KPNA7: variants seen among roughly 807,000 people sequenced by gnomAD.
The protein encoded by KPNA7 is importin subunit alpha-8.
In KPNA7, 54 loss-of-function variants were observed where a neutral mutation model predicts 53.7. That is an observed-to-expected ratio of 1.01 (90% CI 0.81 to 1.26). The LOEUF is 1.26. KPNA7 is among the 50% of genes most tolerant of loss of function. The probability of loss-of-function intolerance (pLI) is 0.00; values close to 1 mark genes in which losing one functional copy is unlikely to be tolerated. For missense variants in KPNA7, 640 were observed against 644.5 expected (o/e 0.99, Z 0.07); for synonymous variants, 276 against 259.3 (o/e 1.06, Z -0.62).
At position 99,173,784 on chromosome 7, in the gene KPNA7, T is replaced by C; in HGVS notation, c.1475A>G (p.Glu492Gly). 6.5e-7 allele frequency: 1 copy of C among 1,544,830 alleles called. No homozygotes were observed. Among genetic ancestry groups the C allele is most frequent in the Non-Finnish European group, 8.8e-7 (1 of 1,140,474 alleles). The change falls in exon 11 of 11, where the codon GAG (glutamate) becomes GGG (glycine). Residue 492 changes from glutamate to glycine, a missense_variant. Glu to Gly is a moderately conservative substitution (Grantham distance 98, BLOSUM62 -2). Transcript: ENST00000327442. ...GACTTGGCTCAGTAAAGTTTGGCTCTCATCTTCTTCCTTCAGGAGAGAATA... is the reference window on the plus strand; with the variant it reads ...GACTTGGCTCAGTAAAGTTTGGCTCCCATCTTCTTCCTTCAGGAGAGAATA... ...IEKHFGEEED[E>G]SQTLLSQVID...
chr7:99,150,967 C>T, the KPNA7 span, among the ~76,000 whole-genome samples: 1 of 152,170 alleles, frequency 6.6e-6, no homozygotes, highest in African/African-American at 2.4e-5. Flanking sequence ...TTCAATGTGA[C>T]AAAGATTCCC....
the KPNA7 span, among the ~76,000 whole-genome samples, chr7:99,149,808 A>T: frequency 6.6e-6 from 1 of 152,074 alleles, no homozygotes; most frequent in African/African-American, 2.4e-5. Flanking sequence ...TGTTTTCCAG[A>T]TGGAGTCTTG....
chr7:99,184,821 G>T, intron 8 of KPNA7, 108 bp downstream of exon 8: 1 of 904,510 alleles, frequency 1.1e-6, no homozygotes, highest in Non-Finnish European at 1.8e-6. Flanking sequence ...TCAGAGCTCT[G>T]CTGTGATCTC....
chr7:99,168,728 C>A (rs537162588), downstream of KPNA7, among the ~76,000 whole-genome samples: 127 of 152,226 alleles, frequency 8.3e-4, no homozygotes, highest in Non-Finnish European at 1.5e-3. Flanking sequence ...AAACTCCTGG[C>A]CTCAAACGAT....
the KPNA7 span, among the ~76,000 whole-genome samples, chr7:99,151,657 A>G: frequency 1.3e-5 from 2 of 151,140 alleles, no homozygotes; most frequent in African/African-American, 2.4e-5. Flanking sequence ...GGTTCTCCCT[A>G]TGTTGCCCAG....
At chr7:99,177,058 A>G (rs976590476) in intron 10 of KPNA7, among the ~76,000 whole-genome samples, 2 of 152,214 alleles carry the variant, frequency 1.3e-5, no homozygotes, top group African/African-American at 4.8e-5. Context: ...AAGGAAAGCA[A>G]TCCTGACATG....
At chr7:99,170,486 T>C (rs1245452566), downstream of KPNA7, among the ~76,000 whole-genome samples, 1 of 150,988 alleles carries the variant, frequency 6.6e-6, no homozygotes, top group African/African-American at 2.4e-5. Flanking sequence ...AAAATGGTGG[T>C]GGCAGGGGAG....
At chr7:99,174,625 C>T (rs1798835546) in intron 10 of KPNA7, among the ~76,000 whole-genome samples, 1 of 152,100 alleles carries the variant, frequency 6.6e-6, no homozygotes, top group Non-Finnish European at 1.5e-5. Context: ...TAAGTGGAAT[C>T]GCATTGTATT....
At chr7:99,206,599 T>G (rs1790826666) in intron 2 of KPNA7, among the ~76,000 whole-genome samples, 1 of 151,882 alleles carries the variant, frequency 6.6e-6, no homozygotes, top group African/African-American at 2.4e-5. Context: ...CACCAGAGTA[T>G]CTGAGACTAC....
At chr7:99,175,438 C>T (rs986468843) in intron 10 of KPNA7, among the ~76,000 whole-genome samples, 1 of 151,940 alleles carries the variant, frequency 6.6e-6, no homozygotes, top group Admixed American at 6.6e-5. Flanking sequence ...CTTAGCTTCC[C>T]AAAGTGCTGC....
intron 9 of KPNA7, among the ~76,000 whole-genome samples, chr7:99,179,206 A>T (rs1460081335): frequency 1.3e-5 from 2 of 152,122 alleles, no homozygotes; most frequent in Non-Finnish European, 2.9e-5. Flanking sequence ...TGGACTTCTA[A>T]AAGGAGCTCC....
intron 6 of KPNA7, among the ~76,000 whole-genome samples, chr7:99,190,135 A>C (rs1789858146): frequency 4.6e-5 from 7 of 151,964 alleles, no homozygotes. Flanking sequence ...TCAGGGGTTC[A>C]AGACCAGCCT....
chr7:99,189,762 G>C (rs1469320506), intron 6 of KPNA7, among the ~76,000 whole-genome samples: 1 of 151,392 alleles, frequency 6.6e-6, no homozygotes, highest in African/African-American at 2.4e-5. Flanking sequence ...GCTGTGGCTA[G>C]ACATGCTTTT....
intron 6 of KPNA7, among the ~76,000 whole-genome samples, chr7:99,189,702 G>A (rs1789834732): frequency 6.6e-6 from 1 of 151,940 alleles, no homozygotes; most frequent in Admixed American, 6.6e-5. Context: ...GCTCACTACA[G>A]CCTCAACCTC....
the KPNA7 span, among the ~76,000 whole-genome samples, chr7:99,147,791 CA>C: frequency 1.9e-3 from 69 of 36,012 alleles, 1 homozygote; most frequent in East Asian, 0.016. Flanking sequence ...GACTCTATCT[CA>C]AAAAAAAAAA....
At chr7:99,193,566 A>G (rs931605258) in intron 5 of KPNA7, among the ~76,000 whole-genome samples, 2 of 152,202 alleles carry the variant, frequency 1.3e-5, no homozygotes, top group African/African-American at 4.8e-5. Context: ...CAACCATCAA[A>G]GGCAAGTCAT....
the KPNA7 span, among the ~76,000 whole-genome samples, chr7:99,155,722 ATT>A: frequency 7.2e-6 from 1 of 138,828 alleles, no homozygotes. Flanking sequence ...CACCACACTA[ATT>A]TTTTTTTTTT....
chr7:99,176,836 C>A (rs549666363), intron 10 of KPNA7, among the ~76,000 whole-genome samples: 1 of 152,008 alleles, frequency 6.6e-6, no homozygotes, highest in African/African-American at 2.4e-5. Flanking sequence ...GCAACCATTG[C>A]GGCCATTGCC....
chr7:99,153,873 G>T, the KPNA7 span, among the ~76,000 whole-genome samples: 9 of 151,920 alleles, frequency 5.9e-5, no homozygotes, highest in Non-Finnish European at 4.4e-5. Context: ...TATTTGGGAG[G>T]CTGAGGTGGG....
Sources: gnomAD v4.1 joint callset for allele counts (sites outside exome capture counted in the v4.1 genomes callset) on GRCh38, gnomAD v4.1.1 for gene constraint, MANE v1.5 for transcripts, NCBI Gene and HGNC (gene_info 2026-07-23, HGNC 2026-07-21) for gene names.